PIEZO2: variants seen among roughly 807,000 people sequenced by gnomAD.
PIEZO2 encodes piezo-type mechanosensitive ion channel component 2.
Under a neutral mutation model 337.3 loss-of-function variants are expected in PIEZO2, and 172 were observed. That is an observed-to-expected ratio of 0.51 (90% CI 0.45 to 0.58). The LOEUF (loss-of-function observed/expected upper bound fraction) is 0.58, where lower values mean the gene tolerates loss of function less well. Among genes scored for constraint, PIEZO2 ranks in the 20% least tolerant of loss-of-function variants. The pLI is 0.00. For synonymous variants in PIEZO2, 1,251 were observed against 1,228.5 expected (o/e 1.02, Z -0.38); for missense variants, 3,028 against 3,391.3 (o/e 0.89, Z 2.66).
chr18:10,913,734 C>T (rs2030681739), intron 3 of PIEZO2, among the ~76,000 whole-genome samples: 1 of 152,120 alleles, frequency 6.6e-6, no homozygotes, highest in East Asian at 1.9e-4. Context: ...GGTTTCGATG[C>T]AAGACACTCA....
At chr18:10,740,115 A>G (rs1189647549) in intron 33 of PIEZO2, 1 of 152,198 alleles carries the variant, frequency 6.6e-6, no homozygotes, top group African/African-American at 2.4e-5. Context: ...ATTATACGTA[A>G]CTTGCAAAAT....
chr18:11,066,961 T>C (rs540990048), intron 1 of PIEZO2, among the ~76,000 whole-genome samples: 5 of 152,318 alleles, frequency 3.3e-5, no homozygotes, highest in Non-Finnish European at 5.9e-5. Context: ...TACTCTGTGA[T>C]ACTATAAAAT....
rs1354092861 is a variant in PIEZO2, at chr18:10,870,309, C to T, written c.492+944G>A. Among the ~76,000 whole-genome samples, 1 of 152,124 alleles carries T rather than the reference C, an allele frequency of 6.6e-6. No homozygotes were observed. The highest frequency in any genetic ancestry group is 2.4e-5 in the African/African-American group (1 of 41,416). On this transcript the variant is annotated intron_variant, in intron 5 of 55. Coordinates refer to ENST00000674853, the MANE Select transcript of PIEZO2 (RefSeq NM_001378183.1). This position sits in a 1 kb window ranked among gnomAD's most constrained non-coding sequence, Gnocchi z 5.3. ...ATCATTTTCCATAAGTGAGAATTTTCCTCCCTCAATGGCTCATCGGTTAAC... is the reference window on the plus strand; with the variant it reads ...ATCATTTTCCATAAGTGAGAATTTTTCTCCCTCAATGGCTCATCGGTTAAC...
intron 4 of PIEZO2, among the ~76,000 whole-genome samples, chr18:10,892,982 T>C (rs979796064): frequency 1.3e-5 from 2 of 152,200 alleles, no homozygotes; most frequent in African/African-American, 4.8e-5. Flanking sequence ...CTGCAGTATT[T>C]CAACAGAGCT....
rs976502700 is a variant in PIEZO2 at position 10,813,471 on chromosome 18, C to T, written c.918-6197G>A. Among the ~76,000 whole-genome samples the T allele has an allele frequency of 1.3e-5, 2 of 152,162 alleles. No homozygotes were observed. The highest frequency in any genetic ancestry group is 2.9e-5 in the Non-Finnish European group (2 of 68,032). On this transcript the variant is annotated intron_variant, in intron 7 of 55. Coordinates refer to ENST00000674853, the MANE Select transcript of PIEZO2 (RefSeq NM_001378183.1). The surrounding 1 kb of genome is among the most constrained non-coding windows in gnomAD (Gnocchi z 4.2). Reference sequence around the variant, plus strand: ...TTTCTAAATCTGTGAATTTGACTACCTGGTACCTTATTTAGTGGAACCATC... The same window carrying T: ...TTTCTAAATCTGTGAATTTGACTACTTGGTACCTTATTTAGTGGAACCATC...
intron 2 of PIEZO2, among the ~76,000 whole-genome samples, chr18:11,005,301 C>A (rs1386143530): frequency 6.6e-6 from 1 of 152,158 alleles, no homozygotes; most frequent in African/African-American, 2.4e-5. Context: ...TAAATTTGAC[C>A]CTGATACAAA....
At chr18:11,059,947 A>C (rs921116903) in intron 2 of PIEZO2, among the ~76,000 whole-genome samples, 1 of 152,226 alleles carries the variant, frequency 6.6e-6, no homozygotes, top group Admixed American at 6.5e-5. Context: ...AAATCAACAG[A>C]ATATACATTC....
chr18:10,788,365 CGCCACTACACTCCAGCCTAAGGGACAGA>C (rs1240578446), intron 15 of PIEZO2, among the ~76,000 whole-genome samples: 1 of 144,540 alleles, frequency 6.9e-6, no homozygotes, highest in Non-Finnish European at 1.5e-5. Flanking sequence ...GCAGAGATCA[CGCCACTACACTCCAGCCTAAGGGACAGA>C]GCAAGACCCT....
chr18:10,691,780 CACAT>C (rs1204373696), intron 47 of PIEZO2, among the ~76,000 whole-genome samples: 9 of 7,904 alleles, frequency 1.1e-3, no homozygotes, highest in African/African-American at 1.6e-3. Context: ...CACACACACA[CACAT>C]ATATATATAT....
chr18:10,966,760 C>A (rs925501102), intron 3 of PIEZO2, among the ~76,000 whole-genome samples: 9 of 152,010 alleles, frequency 5.9e-5, no homozygotes, highest in African/African-American at 2.2e-4. Flanking sequence ...TGTCTTTTAT[C>A]CCTCACCCAC....
intron 1 of PIEZO2, among the ~76,000 whole-genome samples, chr18:11,087,708 G>C (rs8091384): frequency 0.59 from 89,537 of 152,098 alleles, 27,858 homozygotes; most frequent in African/African-American, 0.8. Flanking sequence ...AACTAAAATC[G>C]TCATTTCAGG....
At chr18:10,814,629 T>C (rs2040307481) in intron 7 of PIEZO2, among the ~76,000 whole-genome samples, 1 of 152,152 alleles carries the variant, frequency 6.6e-6, no homozygotes, top group Admixed American at 6.5e-5. Flanking sequence ...TCTGTCAAGG[T>C]GGAAGCCTTG....
chr18:10,793,921 A>T (rs1464367091), intron 13 of PIEZO2, among the ~76,000 whole-genome samples: 1 of 152,076 alleles, frequency 6.6e-6, no homozygotes, highest in Non-Finnish European at 1.5e-5. Flanking sequence ...ACTTTGCCCT[A>T]GTCTACTCTA....
intron 2 of PIEZO2, among the ~76,000 whole-genome samples, chr18:11,013,881 T>A (rs1448404382): frequency 6.6e-6 from 1 of 152,184 alleles, no homozygotes; most frequent in Non-Finnish European, 1.5e-5. Context: ...AACGTGTCAT[T>A]TCTCCTAAAG....
At chr18:10,791,081 T>G in intron 14 of PIEZO2, 120 bp downstream of exon 14, 1 of 1,127,540 alleles carries the variant, frequency 8.9e-7, no homozygotes, top group Non-Finnish European at 1.2e-6. Flanking sequence ...ACGTTACTTA[T>G]TGCTCCAAGT....
rs544549237 is a variant in PIEZO2 at position 10,707,005 on chromosome 18, T to C, written c.5589-1259A>G. 6.6e-6 allele frequency among the ~76,000 whole-genome samples: 1 copy of C among 152,176 alleles called. No individual in the cohort carries two copies. Among genetic ancestry groups the C allele is most frequent in the Non-Finnish European group, 1.5e-5 (1 of 68,028 alleles). ...AACCTTGGCAGAGCGGCTCACGGCATCCTGTGACTGAAGAACCAGATTGGC... is the reference window on the plus strand; with the variant it reads ...AACCTTGGCAGAGCGGCTCACGGCACCCTGTGACTGAAGAACCAGATTGGC... On this transcript the variant is annotated intron_variant, in intron 40 of 55. Transcript: ENST00000674853. This position sits in a 1 kb window ranked among gnomAD's most constrained non-coding sequence, Gnocchi z 4.2.
Position 11,109,195 on chromosome 18 carries a change from C to A in PIEZO2, c.64+39330G>T, listed in dbSNP as rs2039659853. Among the ~76,000 whole-genome samples, 1 of 152,202 alleles carries A rather than the reference C, an allele frequency of 6.6e-6. No homozygotes were observed. The highest frequency in any genetic ancestry group is 2.4e-5 in the African/African-American group (1 of 41,442). ...CTTGACAACTCCACCACGTCCATAA[C>A]CTCATGGAAGTGCAGCTGGAGATTT... On this transcript the variant is annotated intron_variant, in intron 1 of 55. Coordinates refer to ENST00000674853, the MANE Select transcript of PIEZO2 (RefSeq NM_001378183.1). The surrounding 1 kb of genome is among the most constrained non-coding windows in gnomAD (Gnocchi z 5.1).
Position 10,942,646 on chromosome 18 carries a change from A to T in PIEZO2, c.287-31418T>A, listed in dbSNP as rs776993514. Among the ~76,000 whole-genome samples the T allele has an allele frequency of 7.9e-5, 12 of 152,222 alleles. No homozygotes were observed. The highest frequency in any genetic ancestry group is 1.3e-4 in the Non-Finnish European group (9 of 68,030). On this transcript the variant is annotated intron_variant, in intron 3 of 55. Coordinates refer to ENST00000674853, the MANE Select transcript of PIEZO2 (RefSeq NM_001378183.1). This position sits in a 1 kb window ranked among gnomAD's most constrained non-coding sequence, Gnocchi z 4.4. The stretch of plus-strand genomic sequence containing the variant: ...AAAAGTTCGGAAAATTTGCAGCCTG[A>T]CAATGCAATAAAAAAGAAAATCCCA...
rs563546590 is a variant in PIEZO2 at position 11,003,633 on chromosome 18, C to T, written c.161-23973G>A. 8.5e-5 allele frequency among the ~76,000 whole-genome samples: 13 copies of T among 152,300 alleles called. No individual in the cohort carries two copies. The East Asian group carries it at 2.1e-3, about 25-fold the overall frequency. On this transcript the variant is annotated intron_variant, in intron 2 of 55. Coordinates refer to ENST00000674853, the MANE Select transcript of PIEZO2 (RefSeq NM_001378183.1). This position sits in a 1 kb window ranked among gnomAD's most constrained non-coding sequence, Gnocchi z 4.6. Reference sequence around the variant, plus strand: ...TTCAGGGCACCAGGCGGGCATCAGGCGGGCACCAGCCCTAGCCAGTACACC... The same window carrying T: ...TTCAGGGCACCAGGCGGGCATCAGGTGGGCACCAGCCCTAGCCAGTACACC...
Sources: gnomAD v4.1 joint callset for allele counts (sites outside exome capture counted in the v4.1 genomes callset) on GRCh38, gnomAD v4.1.1 for gene constraint, Gnocchi (gnomAD v3.1) non-coding constraint, MANE v1.5 for transcripts, NCBI Gene and HGNC (gene_info 2026-07-23, HGNC 2026-07-21) for gene names.